RABGAP1L: variants seen among roughly 807,000 people sequenced by gnomAD.
The protein encoded by RABGAP1L is RAB GTPase activating protein 1 like, also known as rab GTPase-activating protein 1-like.
RABGAP1L carries 63 observed loss-of-function variants against 137.7 expected under a neutral mutation model. That is an observed-to-expected ratio of 0.46 (90% confidence interval 0.37 to 0.56). The LOEUF is 0.56. Among genes scored for constraint, RABGAP1L ranks in the 20% least tolerant of loss-of-function variants. The pLI is 0.00. For synonymous variants in RABGAP1L, 431 were observed against 433.7 expected (o/e 0.99, Z 0.08); for missense variants, 1,095 against 1,244.0 (o/e 0.88, Z 1.80).
chr1:174,250,660 C>G (rs368315253), intron 6 of RABGAP1L, 28 bp downstream of exon 6: 4 of 1,600,188 alleles, frequency 2.5e-6, no homozygotes, highest in African/African-American at 2.7e-5. Flanking sequence ...ATTAAAAATT[C>G]GCATTGTATC....
At chr1:174,652,655 T>G (rs960755525) in intron 14 of RABGAP1L, among the ~76,000 whole-genome samples, 1 of 152,198 alleles carries the variant, frequency 6.6e-6, no homozygotes, top group African/African-American at 2.4e-5. Context: ...TTGCTTCCTG[T>G]TCCTTCCTCT....
At chr1:174,168,574 A>G (rs1665100549) in intron 1 of RABGAP1L, among the ~76,000 whole-genome samples, 4 of 152,188 alleles carry the variant, frequency 2.6e-5, no homozygotes, top group Admixed American at 2.6e-4. Flanking sequence ...TTGTCTGCGC[A>G]AAGATCTATT....
At chr1:174,238,292 G>T (rs1043997249) in intron 4 of RABGAP1L, among the ~76,000 whole-genome samples, 1 of 152,164 alleles carries the variant, frequency 6.6e-6, no homozygotes, top group African/African-American at 2.4e-5. Flanking sequence ...CTCCATCCAG[G>T]TTTGTTCCGT....
chr1:174,278,871 A>G (rs1675243339), intron 10 of RABGAP1L, 92 bp downstream of exon 10: 1 of 1,103,026 alleles, frequency 9.1e-7, no homozygotes, highest in East Asian at 2.8e-5. Context: ...GAAGTTGCAA[A>G]ACAATACAAT....
intron 10 of RABGAP1L, among the ~76,000 whole-genome samples, chr1:174,292,727 T>C (rs1483852610): frequency 6.6e-6 from 1 of 152,148 alleles, no homozygotes; most frequent in Non-Finnish European, 1.5e-5. Flanking sequence ...TCTGCAGTTG[T>C]TGAGTGGAGT....
chr1:174,527,024 T>C lies in RABGAP1L; in HGVS notation c.1711-110351T>C, dbSNP rs561393603. The stretch of plus-strand genomic sequence containing the variant: ...TCCCACACATCTTGGTATGTTGTTT[T>C]TCCATTTTCATTTCTTGCAAGAAAT... On this transcript the variant is annotated intron_variant, in intron 13 of 25. Transcript: ENST00000681986. Among the ~76,000 whole-genome samples, 293 of 152,210 alleles carry C rather than the reference T, an allele frequency of 1.9e-3. 1 individual carries two copies. Among genetic ancestry groups the C allele is most frequent in the Non-Finnish European group, 2.9e-3 (196 of 67,992 alleles).
At chr1:174,548,688 T>C (rs921924080) in intron 13 of RABGAP1L, 6 of 552,364 alleles carry the variant, frequency 1.1e-5, no homozygotes, top group Non-Finnish European at 1.4e-5. Flanking sequence ...TTCATTTTGG[T>C]TGGAAAGTTT....
intron 13 of RABGAP1L, among the ~76,000 whole-genome samples, chr1:174,567,286 A>G (rs1667649658): frequency 6.6e-6 from 1 of 152,152 alleles, no homozygotes; most frequent in Non-Finnish European, 1.5e-5. Flanking sequence ...TTCCTTCTAT[A>G]TCTGCCTTAT....
intron 13 of RABGAP1L, among the ~76,000 whole-genome samples, chr1:174,632,948 C>G (rs1404231936): frequency 6.6e-6 from 1 of 152,024 alleles, no homozygotes; most frequent in East Asian, 1.9e-4. Flanking sequence ...AACTGCGTTC[C>G]TTTGGAGGAG....
chr1:174,175,768 G>A (rs1362952855), intron 1 of RABGAP1L, among the ~76,000 whole-genome samples: 1 of 151,810 alleles, frequency 6.6e-6, no homozygotes, highest in Non-Finnish European at 1.5e-5. Flanking sequence ...TGGGATTACA[G>A]GCACCCACCA....
chr1:174,709,020 G>A (rs537539350), intron 17 of RABGAP1L, among the ~76,000 whole-genome samples: 4 of 152,288 alleles, frequency 2.6e-5, no homozygotes, highest in African/African-American at 9.6e-5. Context: ...GCTTGAGTAC[G>A]CAGTTTTCCC....
intron 13 of RABGAP1L, among the ~76,000 whole-genome samples, chr1:174,516,149 A>ACACACACACACACACACACG (rs1662820526): frequency 6.9e-6 from 1 of 144,128 alleles, no homozygotes; most frequent in Non-Finnish European, 1.6e-5. Context: ...ACACACACAC[A>ACACACACACACACACACACG]CACACACACA....
chr1:174,635,324 A>C (rs565471563), intron 13 of RABGAP1L, among the ~76,000 whole-genome samples: 1 of 152,186 alleles, frequency 6.6e-6, no homozygotes, highest in African/African-American at 2.4e-5. Context: ...CAATGGCAGT[A>C]GTAACATTTT....
intron 1 of RABGAP1L, among the ~76,000 whole-genome samples, chr1:174,213,495 C>T (rs566046301): frequency 6.6e-6 from 1 of 152,248 alleles, no homozygotes; most frequent in East Asian, 1.9e-4. Context: ...TACCCTCATA[C>T]CCAACCAAAG....
Position 174,542,380 on chromosome 1 carries a change from T to C in RABGAP1L, c.1711-94995T>C, listed in dbSNP as rs541539681. ...TTCTAGATTTTCTAGTTTATTTGCG[T>C]AAAAGTGTTTATAGTATTCTCTGAT... On this transcript the variant is annotated intron_variant, in intron 13 of 25. Coordinates refer to ENST00000681986, the MANE Select transcript of RABGAP1L (RefSeq NM_001366446.1). 1.6e-3 allele frequency among the ~76,000 whole-genome samples: 246 copies of C among 152,360 alleles called. 1 individual carries two copies. Among genetic ancestry groups the C allele is most frequent in the African/African-American group, 5.5e-3 (230 of 41,584 alleles).
At chr1:174,683,058 G>GTTTTTTTT (rs35576869) in intron 14 of RABGAP1L, among the ~76,000 whole-genome samples, 1 of 111,640 alleles carries the variant, frequency 9.0e-6, no homozygotes, top group African/African-American at 3.5e-5. Context: ...TTCTAAAGGG[G>GTTTTTTTT]TTTTTTTTTT....
intron 19 of RABGAP1L, among the ~76,000 whole-genome samples, chr1:174,892,220 C>G (rs1656287065): frequency 6.6e-6 from 1 of 152,252 alleles, no homozygotes; most frequent in Admixed American, 6.5e-5. Context: ...CAGCTGCCCT[C>G]TCCCGCCTGG....
chr1:174,634,149 A>G (rs1306237167), intron 13 of RABGAP1L, among the ~76,000 whole-genome samples: 1 of 133,750 alleles, frequency 7.5e-6, no homozygotes, highest in Non-Finnish European at 1.6e-5. Context: ...ACAAAGGGCT[A>G]ATATCCAGAA....
chr1:174,290,179 G>A (rs930875518), intron 10 of RABGAP1L, among the ~76,000 whole-genome samples: 1 of 152,232 alleles, frequency 6.6e-6, no homozygotes, highest in Non-Finnish European at 1.5e-5. Flanking sequence ...GCAGGTGGGA[G>A]GAGCTGCTGC....
Sources: allele counts gnomAD v4.1 joint callset (sites outside exome capture counted in the v4.1 genomes callset), GRCh38; gene constraint gnomAD v4.1.1; transcripts MANE v1.5; gene names NCBI Gene and HGNC (gene_info 2026-07-23, HGNC 2026-07-21).